EFL1: variants seen among roughly 807,000 people sequenced by gnomAD.
The protein encoded by EFL1 is elongation factor-like GTPase 1.
Under a neutral mutation model 126.7 loss-of-function variants are expected in EFL1, and 76 were observed. That is an observed-to-expected ratio of 0.60 (90% CI 0.50 to 0.73). The LOEUF (loss-of-function observed/expected upper bound fraction) is 0.73. EFL1 is among the 30% of genes least tolerant of loss of function. EFL1 has a pLI of 0.00. For synonymous variants in EFL1, 410 were observed against 448.4 expected (o/e 0.91, Z 1.08); for missense variants, 1,128 against 1,343.2 (o/e 0.84, Z 2.50).
chr15:82,227,488 A>C lies in EFL1; in HGVS notation c.1154T>G (p.Phe385Cys). The change falls in exon 11 of 20, where the codon TTT becomes TGT. Residue 385 changes from phenylalanine to cysteine, a missense_variant. Physicochemically the swap from Phe to Cys is radical, Grantham distance 205. Transcript: ENST00000268206. ...ERLMCTGSQT[F>C]DSFPPETQAL... is the part of the protein sequence containing the mutation. ...TTGAGTTTCTGGTGGAAAAGAGTCA[A>C]AAGTTTGTGATCCTGTGCACATCAG... The C allele has an allele frequency of 1.2e-6, 2 of 1,614,172 alleles. No homozygotes were observed. The highest frequency in any genetic ancestry group is 1.7e-6 in the Non-Finnish European group (2 of 1,180,000).
chr15:82,217,625 C>T (rs1019856327), intron 14 of EFL1, among the ~76,000 whole-genome samples: 2 of 151,396 alleles, frequency 1.3e-5, no homozygotes, highest in East Asian at 1.9e-4. Context: ...TTTAGAAATA[C>T]GTACACAGGT....
At chr15:82,133,686 G>A (rs983358591) in intron 19 of EFL1, among the ~76,000 whole-genome samples, 10 of 152,102 alleles carry the variant, frequency 6.6e-5, no homozygotes, top group African/African-American at 1.7e-4. Flanking sequence ...TAAGACACCC[G>A]GCCACAAGTT....
At chr15:82,154,385 C>T (rs990078943) in intron 17 of EFL1, among the ~76,000 whole-genome samples, 2 of 152,164 alleles carry the variant, frequency 1.3e-5, no homozygotes, top group African/African-American at 4.8e-5. Flanking sequence ...TGGACATAAT[C>T]CATTCCTGAA....
chr15:82,225,978 AC>A (rs1413916795), intron 11 of EFL1, among the ~76,000 whole-genome samples: 2 of 152,212 alleles, frequency 1.3e-5, no homozygotes, highest in Non-Finnish European at 2.9e-5. Flanking sequence ...AAAAAAGAAA[AC>A]CACAGGAAGT....
At chr15:82,135,809 C>T (rs936797864) in intron 19 of EFL1, among the ~76,000 whole-genome samples, 1 of 152,156 alleles carries the variant, frequency 6.6e-6, no homozygotes, top group Admixed American at 6.5e-5. Flanking sequence ...ATATCTTATT[C>T]TTCCTCATCC....
intron 7 of EFL1, among the ~76,000 whole-genome samples, chr15:82,236,644 T>C (rs2074875567): frequency 6.6e-6 from 1 of 152,148 alleles, no homozygotes; most frequent in South Asian, 2.1e-4. Context: ...AAGAAAACCT[T>C]AACCCAAGCC....
At chr15:82,251,127 G>A (rs1185003715) in intron 4 of EFL1, among the ~76,000 whole-genome samples, 3 of 152,122 alleles carry the variant, frequency 2.0e-5, no homozygotes, top group Admixed American at 6.5e-5. Flanking sequence ...CAGGAGAATC[G>A]CTGGAATCCG....
intron 15 of EFL1, among the ~76,000 whole-genome samples, chr15:82,182,128 CACA>C (rs2141261355): frequency 6.6e-6 from 1 of 152,242 alleles, no homozygotes; most frequent in East Asian, 1.9e-4. Context: ...TGTGGTGGCA[CACA>C]CCTGCAGTCC....
At chr15:82,219,971 A>G (rs1427483694) in intron 13 of EFL1, 107 bp downstream of exon 13, 1 of 1,497,690 alleles carries the variant, frequency 6.7e-7, no homozygotes, top group Non-Finnish European at 8.9e-7. Context: ...GAATATTGAT[A>G]AAAACTACGA....
intron 15 of EFL1, among the ~76,000 whole-genome samples, chr15:82,164,716 T>G (rs1595953651): frequency 6.6e-6 from 1 of 151,246 alleles, no homozygotes; most frequent in Non-Finnish European, 1.5e-5. Context: ...GCTAACACGG[T>G]GAAACCCCGT....
In EFL1 at chr15:82,261,707, A is replaced by C. The variant is rs1430486615; in HGVS notation, c.72T>G (p.Val24=). 6.2e-7 allele frequency: 1 copy of C among 1,613,948 alleles called. No individual in the cohort carries two copies. The highest frequency in any genetic ancestry group is 8.5e-7 in the Non-Finnish European group (1 of 1,180,028). The change falls in exon 2 of 20, where the codon GTT becomes GTG. Residue 24 remains valine (V), a synonymous_variant. Transcript: ENST00000268206. ...KNTANIRNIC[V]LAHVDHGKTT... ...TCTTACCATGGTCAACATGAGCCAA[A>C]ACACAAATATTCCTGATGTTGGCAG...
intron 7 of EFL1, among the ~76,000 whole-genome samples, chr15:82,232,120 T>C (rs1566559): frequency 0.47 from 71,788 of 151,790 alleles, 17,488 homozygotes; most frequent in African/African-American, 0.56. Context: ...AAGGTCCACA[T>C]ATGGAAAGAA....
intron 19 of EFL1, among the ~76,000 whole-genome samples, chr15:82,131,543 G>T (rs115453983): frequency 0.062 from 9,380 of 152,176 alleles, 432 homozygotes; most frequent in African/African-American, 0.13. Context: ...AAATGTTCAA[G>T]TTTGGGGGAG....
intron 15 of EFL1, among the ~76,000 whole-genome samples, chr15:82,169,676 A>G (rs1212357990): frequency 6.7e-6 from 1 of 150,324 alleles, no homozygotes; most frequent in Non-Finnish European, 1.5e-5. Flanking sequence ...TTTTGCTTCT[A>G]TTTTTTTCTC....
At chr15:82,196,354 T>C (rs1292078243) in intron 15 of EFL1, among the ~76,000 whole-genome samples, 1 of 152,134 alleles carries the variant, frequency 6.6e-6, no homozygotes, top group Non-Finnish European at 1.5e-5. Context: ...TCAGATTATT[T>C]ATAGGAGAAA....
At position 82,246,949 on chromosome 15, in the gene EFL1, T is replaced by C. The variant is rs370108396; in HGVS notation, c.245-5546A>G. Reference sequence around the variant, plus strand: ...GGACCACTTGAGAACCTAGCCCAAATGCAAGGATGAAGACGTGTAGAGAAT... The same window carrying C: ...GGACCACTTGAGAACCTAGCCCAAACGCAAGGATGAAGACGTGTAGAGAAT... On this transcript the variant is annotated intron_variant, in intron 4 of 19. Coordinates refer to ENST00000268206, the MANE Select transcript of EFL1 (RefSeq NM_024580.6). Among the ~76,000 whole-genome samples, 127 of 152,214 alleles carry C rather than the reference T, an allele frequency of 8.3e-4. 5 individuals are homozygous for C. In the South Asian group the frequency reaches 0.025, roughly 30 times the overall value.
At chr15:82,252,038 C>A (rs62013461) in intron 4 of EFL1, among the ~76,000 whole-genome samples, 23,924 of 152,102 alleles carry the variant, frequency 0.16, 2,429 homozygotes, top group Non-Finnish European at 0.24. Flanking sequence ...AAATACTCTG[C>A]AATTTGTTTT....
At chr15:82,202,476 T>C (rs989171481) in intron 15 of EFL1, among the ~76,000 whole-genome samples, 2 of 152,248 alleles carry the variant, frequency 1.3e-5, no homozygotes, top group African/African-American at 4.8e-5. Context: ...ATAACAATTA[T>C]GTTGCTTAAT....
At chr15:82,159,453 C>T (rs930280141) in intron 16 of EFL1, among the ~76,000 whole-genome samples, 1 of 148,254 alleles carries the variant, frequency 6.7e-6, no homozygotes, top group Admixed American at 6.7e-5. Context: ...ATAAAGGTAA[C>T]AGTTTAACAA....
Sources: gnomAD v4.1 joint callset for allele counts (sites outside exome capture counted in the v4.1 genomes callset) on GRCh38, gnomAD v4.1.1 for gene constraint, MANE v1.5 for transcripts, NCBI Gene and HGNC (gene_info 2026-07-23, HGNC 2026-07-21) for gene names.